The following UTS2 variants were observed in gnomAD, a reference collection of about 807,000 sequenced individuals.
The protein encoded by UTS2 is urotensin 2, also known as urotensin-2.
Under a neutral mutation model 12.6 loss-of-function variants are expected in UTS2, and 10 were observed. The observed-to-expected ratio is 0.80, with a 90% CI of 0.49 to 1.35. The LOEUF (loss-of-function observed/expected upper bound fraction) is 1.35, where lower values mean the gene tolerates loss of function less well. UTS2 is among the 40% of genes most tolerant of loss of function. The pLI is 0.00. For synonymous variants in UTS2, 52 were observed against 50.0 expected (o/e 1.04, Z -0.17); for missense variants, 142 against 143.2 (o/e 0.99, Z 0.04).
At chr1:7,852,153 T>TC (rs2097414823) in intron 1 of UTS2, among the ~76,000 whole-genome samples, 1 of 134,888 alleles carries the variant, frequency 7.4e-6, no homozygotes, top group African/African-American at 2.5e-5. Flanking sequence ...GGTTTGTTTG[T>TC]TTTTTTTCTT....
chr1:7,879,199 C>A, the UTS2 span, among the ~76,000 whole-genome samples: 5 of 152,162 alleles, frequency 3.3e-5, no homozygotes, highest in African/African-American at 1.2e-4. Flanking sequence ...CCAACAGCTG[C>A]AGAATACACA....
upstream of UTS2, chr1:7,853,070 T>A (rs1299339306): frequency 1.9e-6 from 3 of 1,564,746 alleles, no homozygotes; most frequent in Non-Finnish European, 2.6e-6. Flanking sequence ...TGTCTCCTCA[T>A]TCTGCCTGCT....
rs571893446 is a variant in UTS2 at position 7,852,988 on chromosome 1, A to C, written c.16T>G (p.Ser6Ala). The change falls in exon 1 of 4, where the codon TCC (serine) becomes GCC (alanine). Residue 6 changes from serine (S) to alanine (A), a missense_variant. Ser to Ala is a moderately conservative substitution (Grantham distance 99). Coordinates refer to ENST00000361696, the MANE Select transcript of UTS2 (RefSeq NM_006786.4). MYKLA[S>A]CCLLFIGFLN... ...AATCCTATGAAAAGCAAACAGCAGG[A>C]GGCCAGCTTATACATGATCGCCACA... The C allele has an allele frequency of 6.2e-7, 1 of 1,613,522 alleles. No individual in the cohort carries two copies. Among genetic ancestry groups the C allele is most frequent in the African/African-American group, 1.3e-5 (1 of 74,994 alleles).
upstream of UTS2, among the ~76,000 whole-genome samples, chr1:7,857,110 A>AGGAAGGAAGGAAGGAAGGAC (rs1638329225): frequency 6.7e-6 from 1 of 149,382 alleles, no homozygotes; most frequent in Non-Finnish European, 1.5e-5. Context: ...AAAGGAATGA[A>AGGAAGGAAGGAAGGAAGGAC]GGAAGGAAGG....
the UTS2 span, among the ~76,000 whole-genome samples, chr1:7,901,727 G>T: frequency 6.6e-6 from 1 of 152,068 alleles, no homozygotes; most frequent in Non-Finnish European, 1.5e-5. Context: ...GACTTCGTGT[G>T]AGGAAATGGA....
chr1:7,860,573 T>G, the UTS2 span, among the ~76,000 whole-genome samples: 2 of 152,020 alleles, frequency 1.3e-5, no homozygotes, highest in Non-Finnish European at 2.9e-5. Context: ...TTTATTTCTA[T>G]TATTATTATT....
chr1:7,866,058 G>A, the UTS2 span, among the ~76,000 whole-genome samples: 1 of 152,254 alleles, frequency 6.6e-6, no homozygotes, highest in African/African-American at 2.4e-5. This position sits in a 1 kb window ranked among gnomAD's most constrained non-coding sequence, Gnocchi z 4.5. Flanking sequence ...TCCATGAAGA[G>A]CCACAGGCAC....
At chr1:7,900,074 A>G in the UTS2 span, among the ~76,000 whole-genome samples, 53 of 152,208 alleles carry the variant, frequency 3.5e-4, 1 homozygote, top group Admixed American at 3.3e-4. Flanking sequence ...AGTGGAGGAA[A>G]GCTTAGCTCC....
At chr1:7,861,869 C>T in the UTS2 span, among the ~76,000 whole-genome samples, 3 of 151,890 alleles carry the variant, frequency 2.0e-5, no homozygotes, top group Admixed American at 6.6e-5. Context: ...CTTCAGGATT[C>T]CCCCAGGTGC....
chr1:7,848,763 G>A (rs773781467), intron 3 of UTS2, among the ~76,000 whole-genome samples: 4 of 152,030 alleles, frequency 2.6e-5, no homozygotes, highest in Non-Finnish European at 4.4e-5. Context: ...CAAGCAATCC[G>A]CCTACCTCGG....
the UTS2 span, among the ~76,000 whole-genome samples, chr1:7,869,659 A>G: frequency 6.6e-6 from 1 of 152,262 alleles, no homozygotes; most frequent in African/African-American, 2.4e-5. Context: ...ATGGGCTGCC[A>G]AGGAGCGATG....
the UTS2 span, among the ~76,000 whole-genome samples, chr1:7,859,962 G>A: frequency 2.6e-5 from 4 of 151,904 alleles, no homozygotes; most frequent in Non-Finnish European, 5.9e-5. Context: ...TTGCACCACT[G>A]CACTCCAGCT....
At chr1:7,852,880 A>C in intron 1 of UTS2, 21 bp downstream of exon 1, 2 of 1,598,010 alleles carry the variant, frequency 1.3e-6, no homozygotes, top group Non-Finnish European at 1.7e-6. Context: ...GACTAACATA[A>C]GGGGAAAAAA....
chr1:7,895,541 T>A, the UTS2 span, among the ~76,000 whole-genome samples: 1 of 152,132 alleles, frequency 6.6e-6, no homozygotes, highest in Non-Finnish European at 1.5e-5. Flanking sequence ...AAAAGGAAGA[T>A]GAGGAGTGCA....
At chr1:7,852,147 T>G (rs2097414795) in intron 1 of UTS2, among the ~76,000 whole-genome samples, 1 of 149,938 alleles carries the variant, frequency 6.7e-6, no homozygotes, top group African/African-American at 2.4e-5. Flanking sequence ...AAAGAGGGTT[T>G]GTTTGTTTTT....
chr1:7,857,043 AAAGG>A (rs1638325650), upstream of UTS2, among the ~76,000 whole-genome samples: 1 of 151,710 alleles, frequency 6.6e-6, no homozygotes, highest in Non-Finnish European at 1.5e-5. Context: ...CCTGGGCCAC[AAAGG>A]AAGACTCTGT....
At chr1:7,910,070 TA>T in the UTS2 span, among the ~76,000 whole-genome samples, 1 of 152,158 alleles carries the variant, frequency 6.6e-6, no homozygotes. Flanking sequence ...AAGCTTAATA[TA>T]TGACATTGCT....
At chr1:7,912,061 TG>T in the UTS2 span, among the ~76,000 whole-genome samples, 1 of 152,256 alleles carries the variant, frequency 6.6e-6, no homozygotes, top group Non-Finnish European at 1.5e-5. Flanking sequence ...CTTATCTCCC[TG>T]ATCTGGGTTT....
chr1:7,861,913 CTCT>C, the UTS2 span, among the ~76,000 whole-genome samples: 4 of 150,304 alleles, frequency 2.7e-5, no homozygotes, highest in African/African-American at 9.9e-5. Flanking sequence ...AACAAAACAC[CTCT>C]TTTTTTTTTT....
Sources: allele counts gnomAD v4.1 joint callset (sites outside exome capture counted in the v4.1 genomes callset), GRCh38; gene constraint gnomAD v4.1.1; non-coding constraint Gnocchi (gnomAD v3.1); transcripts MANE v1.5; gene names NCBI Gene and HGNC (gene_info 2026-07-23, HGNC 2026-07-21).